ARHGAP10: variants seen among roughly 807,000 people sequenced by gnomAD.
ARHGAP10 encodes Rho GTPase activating protein 10.
A neutral mutation model predicts 108.6 loss-of-function variants in ARHGAP10; 87 were observed. The ratio of observed to expected loss-of-function variants is 0.80; its 90% CI spans 0.67 to 0.96. The LOEUF is 0.96. Ranked by LOEUF, ARHGAP10 falls within the 40% of genes least tolerant of loss-of-function variation. The pLI, the probability that ARHGAP10 is intolerant of heterozygous loss-of-function variation, is 0.00. For synonymous variants in ARHGAP10, 347 were observed against 341.1 expected, an observed-to-expected ratio of 1.02 and a Z score of -0.19; for missense variants, 939 against 954.5, an observed-to-expected ratio of 0.98 and a Z score of 0.21.
chr4:147,782,200 G>A (rs1730564012), intron 1 of ARHGAP10, among the ~76,000 whole-genome samples: 1 of 152,140 alleles, frequency 6.6e-6, no homozygotes, highest in African/African-American at 2.4e-5. Context: ...TGGGGTTTAG[G>A]CATACAAATA....
chr4:148,015,355 G>A (rs540107629), intron 18 of ARHGAP10, among the ~76,000 whole-genome samples: 1 of 152,260 alleles, frequency 6.6e-6, no homozygotes, highest in African/African-American at 2.4e-5. Context: ...ACTGACTAGT[G>A]GTATGAATAT....
intron 20 of ARHGAP10, among the ~76,000 whole-genome samples, chr4:148,057,858 G>T (rs574950423): frequency 6.6e-6 from 1 of 152,364 alleles, no homozygotes; most frequent in African/African-American, 2.4e-5. Flanking sequence ...CTAGCACAAG[G>T]CCTGACAGGA....
intron 19 of ARHGAP10, among the ~76,000 whole-genome samples, chr4:148,036,991 A>G (rs903279127): frequency 6.6e-6 from 1 of 152,198 alleles, no homozygotes; most frequent in Non-Finnish European, 1.5e-5. Context: ...TGGAAAAAAA[A>G]CAGTCTTAGA....
At chr4:148,062,547 C>G (rs1318076750) in intron 20 of ARHGAP10, among the ~76,000 whole-genome samples, 1 of 152,074 alleles carries the variant, frequency 6.6e-6, no homozygotes, top group East Asian at 1.9e-4. Context: ...AGAGGCCATT[C>G]CAGGTGTCTG....
Position 147,965,148 on chromosome 4 carries a change from G to A in ARHGAP10, c.1556+19G>A, listed in dbSNP as rs761809926. The A allele has an allele frequency of 1.1e-5, 18 of 1,576,694 alleles. No individual in the cohort carries two copies. Among genetic ancestry groups the A allele is most frequent in the Admixed American group, 7.0e-5 (4 of 56,820 alleles). The stretch of plus-strand genomic sequence containing the variant: ...TAACAAAGTAAGCCTCTTTTTCTTC[G>A]TTTTAACTTTCTTCACTTTGCTCTA... On this transcript the variant is annotated intron_variant, in intron 17 of 22. Transcript: ENST00000336498.
At chr4:147,854,084 C>T (rs1049050825) in intron 4 of ARHGAP10, among the ~76,000 whole-genome samples, 13 of 152,192 alleles carry the variant, frequency 8.5e-5, no homozygotes, top group Middle Eastern at 3.4e-3. Context: ...ATTTATATAA[C>T]GTATGTCTTT....
chr4:147,992,688 G>A (rs1290567137), intron 18 of ARHGAP10, among the ~76,000 whole-genome samples: 2 of 152,142 alleles, frequency 1.3e-5, no homozygotes, highest in Non-Finnish European at 2.9e-5. Context: ...TTACAGACGT[G>A]AGCCATTGCA....
intron 18 of ARHGAP10, among the ~76,000 whole-genome samples, chr4:147,980,592 T>C (rs1412160744): frequency 6.6e-6 from 1 of 152,234 alleles, no homozygotes; most frequent in African/African-American, 2.4e-5. Context: ...TTTTTTGGAA[T>C]TGTTCCAGTA....
At chr4:147,995,930 G>T (rs1740457002) in intron 18 of ARHGAP10, among the ~76,000 whole-genome samples, 1 of 152,050 alleles carries the variant, frequency 6.6e-6, no homozygotes, top group Admixed American at 6.5e-5. Flanking sequence ...TGTCAGCCAG[G>T]ATGGTCTCCA....
chr4:147,856,297 G>A (rs1054584292), intron 4 of ARHGAP10, among the ~76,000 whole-genome samples: 6 of 152,190 alleles, frequency 3.9e-5, no homozygotes, highest in African/African-American at 1.4e-4. Context: ...TAACCAAAGG[G>A]TGAGTACTGG....
Position 147,733,320 on chromosome 4 carries a change from A to G in ARHGAP10, c.154+865A>G, listed in dbSNP as rs577142407. ...GCAGAAATACTGAGTTAGTGATGCT[A>G]CTGGAAAATGGGGCGGAATTAGCCC... On this transcript the variant is annotated intron_variant, in intron 1 of 22. Coordinates refer to ENST00000336498, the MANE Select transcript of ARHGAP10 (RefSeq NM_024605.4). Among the ~76,000 whole-genome samples the G allele has an allele frequency of 4.6e-5, 7 of 151,580 alleles. No individual in the cohort carries two copies. In the South Asian group the frequency reaches 1.0e-3, roughly 22 times the overall value.
Position 147,879,340 on chromosome 4 carries a change from T to C in ARHGAP10, c.939+2T>C. ...GAGCACAGATCTGGAGGGAAACTTG[T>C]AAGTATTTGATTCAACATAGAATAG... is the stretch of plus-strand genomic sequence containing the variant. On this transcript the variant is annotated splice_donor_variant, in intron 9 of 22. Transcript: ENST00000336498. LOFTEE classifies it high-confidence loss of function. 1.2e-6 allele frequency: 2 copies of C among 1,611,628 alleles called. No individual in the cohort carries two copies. Among genetic ancestry groups the C allele is most frequent in the African/African-American group, 2.7e-5 (2 of 74,948 alleles).
In ARHGAP10 at chr4:147,773,545, G is replaced by C. The variant is rs114344261; in HGVS notation, c.154+41090G>C. On this transcript the variant is annotated intron_variant, in intron 1 of 22. Coordinates refer to ENST00000336498, the MANE Select transcript of ARHGAP10 (RefSeq NM_024605.4). ...TCAACTCGATGTACACTTAAATATT[G>C]TATTCTGAGTTATAACACAGCAAAC... Among the ~76,000 whole-genome samples the C allele has an allele frequency of 8.0e-3, 1,223 of 152,266 alleles. 14 individuals carry two copies. Among genetic ancestry groups the C allele is most frequent in the African/African-American group, 0.028 (1,151 of 41,538 alleles).
chr4:147,767,377 T>C (rs963730624), intron 1 of ARHGAP10, among the ~76,000 whole-genome samples: 4 of 152,120 alleles, frequency 2.6e-5, no homozygotes, highest in African/African-American at 9.7e-5. Context: ...CTTTTTTTTT[T>C]TTTAATCCAC....
intron 13 of ARHGAP10, among the ~76,000 whole-genome samples, chr4:147,930,744 GCTTC>G (rs1737646683): frequency 6.6e-6 from 1 of 151,828 alleles, no homozygotes; most frequent in Non-Finnish European, 1.5e-5. Flanking sequence ...TTTCTCTTCT[GCTTC>G]CTTTATTCTA....
chr4:147,745,374 G>A (rs541438987), intron 1 of ARHGAP10: 1 of 152,418 alleles, frequency 6.6e-6, no homozygotes, highest in South Asian at 2.1e-4. Flanking sequence ...TAGCATCTGA[G>A]ATCAGACAGG....
chr4:148,012,281 T>C (rs761934340), intron 18 of ARHGAP10, among the ~76,000 whole-genome samples: 1 of 152,226 alleles, frequency 6.6e-6, no homozygotes, highest in Non-Finnish European at 1.5e-5. Context: ...TTTTGAGACA[T>C]GGCTGCTATG....
intron 9 of ARHGAP10, among the ~76,000 whole-genome samples, 197 bp downstream of exon 9, chr4:147,879,535 A>G (rs542062505): frequency 1.3e-5 from 2 of 152,028 alleles, no homozygotes; most frequent in East Asian, 1.9e-4. Flanking sequence ...AATTACATGC[A>G]TGGGTTTTAA....
intron 8 of ARHGAP10, among the ~76,000 whole-genome samples, chr4:147,876,905 GTAAA>G (rs975752042): frequency 4.6e-5 from 7 of 152,170 alleles, no homozygotes; most frequent in Admixed American, 1.3e-4. Context: ...GCACTGAGAG[GTAAA>G]TAATGTTCCC....
Sources: gnomAD v4.1 joint callset for allele counts (sites outside exome capture counted in the v4.1 genomes callset) on GRCh38, gnomAD v4.1.1 for gene constraint, MANE v1.5 for transcripts, NCBI Gene and HGNC (gene_info 2026-07-23, HGNC 2026-07-21) for gene names.